Variants in PRPF8 observed in about 807,000 individuals in gnomAD.
PRPF8 encodes the protein pre-mRNA processing factor 8.
A neutral mutation model predicts 285.9 loss-of-function variants in PRPF8; 64 were observed. The ratio of observed to expected loss-of-function variants is 0.22; its 90% CI spans 0.18 to 0.28. The LOEUF is 0.28. PRPF8 is among the 10% of genes least tolerant of loss of function. The probability of loss-of-function intolerance (pLI) is 1.00; values close to 1 mark genes in which losing one functional copy is unlikely to be tolerated. For synonymous variants in PRPF8, 1,325 were observed against 1,118.2 expected (o/e 1.18, Z -3.69); for missense variants, 1,426 against 3,026.7 (o/e 0.47, Z 12.41).
chr17:1,659,422 G>A lies in PRPF8; in HGVS notation c.5073C>T (p.Asn1691=). The A allele has an allele frequency of 1.2e-5, 20 of 1,614,156 alleles. No homozygotes were observed. The highest frequency in any genetic ancestry group is 1.7e-5 in the Non-Finnish European group (20 of 1,180,038). ...CTGTGGGCGAAGGGTAGATACTCAT[G>A]TTGTCGGTGGTGTAGTCCAGGAACT... ...RAKFLDYTTD[N]MSIYPSPTGV... Residue 1691 remains asparagine, a synonymous_variant, in exon 32 of 43, where the codon AAC becomes AAT. Transcript: ENST00000304992. This position sits in a 1 kb window ranked among gnomAD's most constrained non-coding sequence, Gnocchi z 5.1.
In PRPF8 at chr17:1,678,756, C is replaced by G; in HGVS notation, c.1719+6G>C. 1 of 1,614,068 alleles carries G rather than the reference C, an allele frequency of 6.2e-7. No homozygotes were observed. Among genetic ancestry groups the G allele is most frequent in the Non-Finnish European group, 8.5e-7 (1 of 1,180,040 alleles). On this transcript the variant is annotated splice_donor_region_variant and intron_variant, in intron 12 of 42. Coordinates refer to ENST00000304992, the MANE Select transcript of PRPF8 (RefSeq NM_006445.4). ...CCAGGCAGGGGTTGGGAATACCTAA[C>G]CTTACCTGGAAGGCATCCACATTGC...
chr17:1,662,351 G>A (rs930176920), intron 24 of PRPF8, among the ~76,000 whole-genome samples, 198 bp from the exon 25 acceptor site: 2 of 152,184 alleles, frequency 1.3e-5, no homozygotes, highest in African/African-American at 4.8e-5. Context: ...CACTTTGGGA[G>A]GCCAAGGTGG....
Position 1,681,007 on chromosome 17 carries a change from C to T in PRPF8, c.914G>A (p.Arg305Gln). 6.2e-7 allele frequency: 1 copy of T among 1,612,928 alleles called. No individual in the cohort carries two copies. The highest frequency in any genetic ancestry group is 8.5e-7 in the Non-Finnish European group (1 of 1,179,166). The change falls in exon 7 of 43, where the codon CGG becomes CAG. Residue 305 changes from arginine to glutamine, a missense_variant. Around this residue, in one of 34 missense-constraint regions of PRPF8, gnomAD observed 157 missense variants for 159.6 expected, o/e 0.98. Transcript: ENST00000304992. ...CTTGTACTCAGTGCGGATAGGCTGC[C>T]GGATGATAATCTTGTTAATATCATT... ...EFNDINKIIIRQPIRTEYKIA... is the reference protein window; with the variant it reads ...EFNDINKIIIQQPIRTEYKIA...
intron 24 of PRPF8, among the ~76,000 whole-genome samples, chr17:1,664,944 T>C (rs1911875355): frequency 6.6e-6 from 1 of 151,332 alleles, no homozygotes; most frequent in Non-Finnish European, 1.5e-5. Context: ...AATCACGAGG[T>C]CACGAGTTCA....
At chr17:1,663,894 A>G (rs536780144) in intron 24 of PRPF8, among the ~76,000 whole-genome samples, 1 of 152,300 alleles carries the variant, frequency 6.6e-6, no homozygotes, top group South Asian at 2.1e-4. Context: ...GAATGTTATC[A>G]GGAATACAGA....
In PRPF8 at chr17:1,676,321, G is replaced by A. The variant is rs200545462; in HGVS notation, c.2438C>T (p.Thr813Ile). ...AEEAVAVYTTTVHWLESRRFS... is the reference protein window; with the variant it reads ...AEEAVAVYTTIVHWLESRRFS... Reference sequence around the variant, plus strand: ...CCTGCGGCTTTCCAACCAATGCACTGTGGTGGTATATACTGCCACTGCTTC... The same window carrying A: ...CCTGCGGCTTTCCAACCAATGCACTATGGTGGTATATACTGCCACTGCTTC... Residue 813 changes from threonine (T) to isoleucine (I), a missense_variant, in exon 17 of 43, where the codon ACA becomes ATA. Physicochemically the swap from Thr to Ile is moderately conservative, Grantham distance 89. Around this residue, in one of 34 missense-constraint regions of PRPF8, gnomAD observed 70 missense variants for 273.7 expected, o/e 0.26. Coordinates refer to ENST00000304992, the MANE Select transcript of PRPF8 (RefSeq NM_006445.4). This position sits in a 1 kb window ranked among gnomAD's most constrained non-coding sequence, Gnocchi z 6.3. The A allele has an allele frequency of 1.2e-6, 2 of 1,614,182 alleles. No individual in the cohort carries two copies. Among genetic ancestry groups the A allele is most frequent in the Non-Finnish European group, 1.7e-6 (2 of 1,180,032 alleles).
At chr17:1,682,337 G>A (rs1280369269) in intron 3 of PRPF8, 44 bp from the exon 4 acceptor site, 2 of 1,596,850 alleles carry the variant, frequency 1.3e-6, no homozygotes, top group Non-Finnish European at 1.7e-6. Flanking sequence ...ATGACGAGGT[G>A]TTCTGCTACC....
chr17:1,666,976 C>T (rs1297466180), intron 24 of PRPF8, among the ~76,000 whole-genome samples: 3 of 152,200 alleles, frequency 2.0e-5, no homozygotes, highest in Admixed American at 6.5e-5. Flanking sequence ...AGTTTGAGAC[C>T]AGCCTGACCA....
intron 21 of PRPF8, 136 bp from the exon 22 acceptor site, chr17:1,674,028 T>C: frequency 1.0e-6 from 1 of 995,152 alleles, no homozygotes; most frequent in East Asian, 2.6e-5. Context: ...ATTTTATTTT[T>C]ATTTATTTAT....
intron 24 of PRPF8, among the ~76,000 whole-genome samples, chr17:1,667,226 C>G (rs1000724759): frequency 6.6e-6 from 1 of 151,498 alleles, no homozygotes; most frequent in Non-Finnish European, 1.5e-5. Context: ...GGGGTAAAGG[C>G]AAGTGGATGA....
intron 14 of PRPF8, 161 bp from the exon 15 acceptor site, chr17:1,677,333 A>C (rs1211548118): frequency 1.0e-6 from 1 of 957,774 alleles, no homozygotes; most frequent in East Asian, 2.5e-5. Context: ...TACCTTAAAC[A>C]TTCACAACTA....
Position 1,679,937 on chromosome 17 carries a change from G to A in PRPF8, c.1099-138C>T. 1 of 1,015,190 alleles carries A rather than the reference G, an allele frequency of 9.9e-7. No individual in the cohort carries two copies. Among genetic ancestry groups the A allele is most frequent in the East Asian group, 2.4e-5 (1 of 41,218 alleles). The allele number at this position is 1,015,190 out of a possible 1,614,324, so 62.9% of individuals were successfully genotyped here. A position where few individuals can be genotyped will look rare whatever the true frequency, so the allele number is the denominator to read the frequency against. ...GCTGTCTGACAAAAGCAGCCCTGAAGTGCCAGCACAAAGGAAACCAAGACA... is the reference window on the plus strand; with the variant it reads ...GCTGTCTGACAAAAGCAGCCCTGAAATGCCAGCACAAAGGAAACCAAGACA... On this transcript the variant is annotated intron_variant, in intron 8 of 42. Transcript: ENST00000304992. The surrounding 1 kb of genome is among the most constrained non-coding windows in gnomAD (Gnocchi z 4.7).
rs1912663899 is a variant in PRPF8, at chr17:1,677,455, G to A, written c.1984+110C>T. 5.2e-6 allele frequency: 8 copies of A among 1,524,154 alleles called. No homozygotes were observed. In the African/African-American group the frequency reaches 6.9e-5, roughly 13 times the overall value. The allele number at this position is 1,524,154 out of a possible 1,614,324, so 94.4% of individuals were successfully genotyped here. On this transcript the variant is annotated intron_variant, in intron 14 of 42. Transcript: ENST00000304992. ...GACTCATTTCAGAACTGGACCTAAA[G>A]GCAATCCAGTAGGAAGAGTGCTCAT...
chr17:1,659,946 A>T lies in PRPF8; in HGVS notation c.4841T>A (p.Ile1614Asn). The T allele has an allele frequency of 6.2e-7, 1 of 1,614,074 alleles. No homozygotes were observed. The highest frequency in any genetic ancestry group is 8.5e-7 in the Non-Finnish European group (1 of 1,179,954). ...CATCTTATATGACTTTCGGGGATGG[A>T]TTGTCTCCTTTTGTACTGTCTCAAT... ...LEIETVQKET[I>N]HPRKSYKMNS... Residue 1614 changes from isoleucine to asparagine, a missense_variant, in exon 31 of 43, where the codon ATC (isoleucine) becomes AAC (asparagine). Coordinates refer to ENST00000304992, the MANE Select transcript of PRPF8 (RefSeq NM_006445.4). This position sits in a 1 kb window ranked among gnomAD's most constrained non-coding sequence, Gnocchi z 5.1.
chr17:1,682,301 A>G lies in PRPF8; in HGVS notation c.270-8T>C, dbSNP rs1597250566. 6.2e-7 allele frequency: 1 copy of G among 1,613,870 alleles called. No individual in the cohort carries two copies. Among genetic ancestry groups the G allele is most frequent in the Non-Finnish European group, 8.5e-7 (1 of 1,179,782 alleles). ...GGCATGTACTTTAGGGCACTGGCAC[A>G]TTAGAAAAAGAGAAGGCTATCAGAA... On this transcript the variant is annotated splice_region_variant and splice_polypyrimidine_tract_variant and intron_variant, in intron 3 of 42. Coordinates refer to ENST00000304992, the MANE Select transcript of PRPF8 (RefSeq NM_006445.4).
intron 24 of PRPF8, 115 bp from the exon 25 acceptor site, chr17:1,662,268 T>C (rs1911707993): frequency 3.3e-6 from 4 of 1,194,506 alleles, no homozygotes; most frequent in African/African-American, 1.5e-5. Context: ...GAGTTCAACA[T>C]CATTAGTCAC....
intron 37 of PRPF8, 55 bp from the exon 38 acceptor site, chr17:1,654,071 G>A (rs1911217190): frequency 6.2e-7 from 1 of 1,613,466 alleles, no homozygotes; most frequent in African/African-American, 1.3e-5. Flanking sequence ...GGTCACTTCT[G>A]CCTCAATGGA....
Position 1,658,780 on chromosome 17 carries a change from G to C in PRPF8, c.5139-17C>G. 1 of 1,608,436 alleles carries C rather than the reference G, an allele frequency of 6.2e-7. No individual in the cohort carries two copies. The highest frequency in any genetic ancestry group is 8.5e-7 in the Non-Finnish European group (1 of 1,174,754). Reference sequence around the variant, plus strand: ...CCATAGGCACTGTGAGGATAAAAGGGTCAAGAAAAGTTAAGACGAGAATGA... The same window carrying C: ...CCATAGGCACTGTGAGGATAAAAGGCTCAAGAAAAGTTAAGACGAGAATGA... On this transcript the variant is annotated splice_polypyrimidine_tract_variant and intron_variant, in intron 32 of 42. Transcript: ENST00000304992. This position sits in a 1 kb window ranked among gnomAD's most constrained non-coding sequence, Gnocchi z 4.1.
Position 1,681,803 on chromosome 17 carries a change from C to T in PRPF8, c.653+17G>A, listed in dbSNP as rs187587793. 127 of 1,613,628 alleles carry T rather than the reference C, an allele frequency of 7.9e-5. No homozygotes were observed. The East Asian group carries it at 2.7e-3, about 35-fold the overall frequency. On this transcript the variant is annotated intron_variant, in intron 5 of 42. Coordinates refer to ENST00000304992, the MANE Select transcript of PRPF8 (RefSeq NM_006445.4). ...CCAGAACTCCTCCCAGGTGTAGTAT[C>T]TCCATCTATCACTCACTTCCTGCTG...
Sources: allele counts gnomAD v4.1 joint callset (sites outside exome capture counted in the v4.1 genomes callset), GRCh38; gene constraint gnomAD v4.1.1; regional missense constraint gnomAD v4.1.1; non-coding constraint Gnocchi (gnomAD v3.1); transcripts MANE v1.5; gene names NCBI Gene and HGNC (gene_info 2026-07-23, HGNC 2026-07-21).